CRTAC1: variants seen among roughly 807,000 people sequenced by gnomAD.
CRTAC1 encodes the protein cartilage acidic protein 1, also known as acidic secreted protein in cartilage.
Under a neutral mutation model 67.8 loss-of-function variants are expected in CRTAC1, and 37 were observed. The observed-to-expected ratio is 0.55, with a 90% CI of 0.42 to 0.72. The LOEUF (loss-of-function observed/expected upper bound fraction) is 0.72. Ranked by LOEUF, CRTAC1 falls within the 30% of genes least tolerant of loss-of-function variation. The pLI is 0.00. For synonymous variants in CRTAC1, 348 were observed against 371.0 expected (o/e 0.94, Z 0.71); for missense variants, 780 against 931.6 (o/e 0.84, Z 2.12).
chr10:97,947,920 TA>T (rs998987425), intron 2 of CRTAC1, among the ~76,000 whole-genome samples: 3 of 151,796 alleles, frequency 2.0e-5, no homozygotes, highest in African/African-American at 7.3e-5. Context: ...AATTAAGAAA[TA>T]GATGAAGATT....
At chr10:97,910,936 C>G (rs1468868484) in intron 5 of CRTAC1, among the ~76,000 whole-genome samples, 1 of 152,248 alleles carries the variant, frequency 6.6e-6, no homozygotes, top group African/African-American at 2.4e-5. Flanking sequence ...ATTCACATTG[C>G]TCCTCTGGAA....
chr10:97,887,688 T>A (rs1399419121), intron 11 of CRTAC1, among the ~76,000 whole-genome samples: 2 of 152,244 alleles, frequency 1.3e-5, no homozygotes, highest in Non-Finnish European at 2.9e-5. Context: ...AACTTGGGCA[T>A]CCTCTCTGGG....
chr10:97,986,133 C>T (rs529521951), intron 2 of CRTAC1, among the ~76,000 whole-genome samples: 1 of 152,288 alleles, frequency 6.6e-6, no homozygotes, highest in East Asian at 1.9e-4. Context: ...TCTCAGATGG[C>T]CCAGGACTGG....
At chr10:97,987,502 T>C (rs1273706360) in intron 2 of CRTAC1, among the ~76,000 whole-genome samples, 1 of 152,184 alleles carries the variant, frequency 6.6e-6, no homozygotes, top group Admixed American at 6.5e-5. Context: ...AAGTGGATGA[T>C]TTAACCAGGG....
At chr10:98,024,173 C>T (rs964830496) in intron 1 of CRTAC1, among the ~76,000 whole-genome samples, 14 of 152,196 alleles carry the variant, frequency 9.2e-5, no homozygotes, top group African/African-American at 3.4e-4. Context: ...CTCAGGTCAC[C>T]GGGACACTCC....
intron 1 of CRTAC1, among the ~76,000 whole-genome samples, chr10:98,028,542 G>C (rs1564942518): frequency 6.6e-6 from 1 of 152,242 alleles, no homozygotes; most frequent in East Asian, 1.9e-4. Flanking sequence ...ACAGGCCATT[G>C]GTCCACAGAT....
chr10:97,938,825 C>G (rs2051129013), intron 2 of CRTAC1, among the ~76,000 whole-genome samples: 1 of 152,154 alleles, frequency 6.6e-6, no homozygotes, highest in Non-Finnish European at 1.5e-5. Flanking sequence ...CTGTGAAATG[C>G]AAGAGTTGGA....
chr10:97,934,267 T>C (rs1320368405), intron 3 of CRTAC1, among the ~76,000 whole-genome samples: 1 of 152,234 alleles, frequency 6.6e-6, no homozygotes, highest in African/African-American at 2.4e-5. Context: ...CAATTAATTG[T>C]GTCCTAATCC....
intron 2 of CRTAC1, among the ~76,000 whole-genome samples, chr10:97,988,651 C>T (rs1303489277): frequency 5.9e-5 from 9 of 152,056 alleles, no homozygotes; most frequent in Admixed American, 3.3e-4. Flanking sequence ...ACCCGGGAGG[C>T]GGAGGTTGCG....
intron 2 of CRTAC1, among the ~76,000 whole-genome samples, chr10:97,989,275 C>T (rs76905196): frequency 1.3e-5 from 2 of 152,248 alleles, no homozygotes; most frequent in Non-Finnish European, 2.9e-5. Context: ...CTCTCTCCCC[C>T]CACCCAACGC....
At chr10:97,904,863 CACAA>C (rs748521147) in intron 6 of CRTAC1, 49 bp from the exon 7 acceptor site, 3 of 1,525,618 alleles carry the variant, frequency 2.0e-6, no homozygotes, top group Non-Finnish European at 2.6e-6. Flanking sequence ...CTGCACACTC[CACAA>C]ACACTCACCC....
At chr10:98,011,432 T>C (rs1842906782) in intron 1 of CRTAC1, 95 bp from the exon 2 acceptor site, 2 of 1,455,260 alleles carry the variant, frequency 1.4e-6, no homozygotes, top group Admixed American at 3.6e-5. Context: ...TGCCTTTCTC[T>C]CCCATTCATG....
intron 11 of CRTAC1, among the ~76,000 whole-genome samples, chr10:97,891,158 A>C (rs1249770474): frequency 6.6e-6 from 1 of 152,250 alleles, no homozygotes; most frequent in African/African-American, 2.4e-5. Context: ...AATGATATTG[A>C]GGGAAGGTGA....
chr10:97,922,073 T>C lies in CRTAC1; in HGVS notation c.558+1191A>G, dbSNP rs527608904. Among the ~76,000 whole-genome samples the C allele has an allele frequency of 5.3e-5, 8 of 152,252 alleles. No individual in the cohort carries two copies. The South Asian group carries it at 1.7e-3, about 32-fold the overall frequency. On this transcript the variant is annotated intron_variant, in intron 4 of 14. Transcript: ENST00000370597. ...AGCTGAGTGTCAAAAGCCTTGGTCC[T>C]GAACGGGTGAGATGGGAAACCGGGA...
chr10:98,014,833 T>G lies in CRTAC1; in HGVS notation c.25-3496A>C, dbSNP rs1842966761. On this transcript the variant is annotated intron_variant, in intron 1 of 14. Transcript: ENST00000370597. ...TGAGGATGTAGAGAAATTGGAATCC[T>G]TGTGCACTGCTGGCAGAAATGTAAA... Among the ~76,000 whole-genome samples, 5 of 152,240 alleles carry G rather than the reference T, an allele frequency of 3.3e-5. No homozygotes were observed. The South Asian group carries it at 1.0e-3, about 32-fold the overall frequency.
At chr10:97,974,287 A>G (rs374547340) in intron 2 of CRTAC1, among the ~76,000 whole-genome samples, 17 of 152,150 alleles carry the variant, frequency 1.1e-4, no homozygotes, top group African/African-American at 4.1e-4. Context: ...CGAAGCTGCC[A>G]TGAAACCAGC....
At chr10:97,917,365 C>G in intron 5 of CRTAC1, 135 bp downstream of exon 5, 3 of 577,304 alleles carry the variant, frequency 5.2e-6, no homozygotes, top group Non-Finnish European at 8.1e-6. Flanking sequence ...TGGAATGGAG[C>G]CTTCATCTCC....
rs778246419 is a variant in CRTAC1, at chr10:97,917,581, C to T, written c.634G>A (p.Asp212Asn). Reference protein sequence around the residue: ...NVGPDALIEMDPEASDLSRGI... With the variant: ...NVGPDALIEMNPEASDLSRGI... ...CGGGAGAGGTCACTGGCCTCAGGGT[C>T]CATTTCAATGAGGGCATCAGGGCCC... Residue 212 changes from aspartate to asparagine, a missense_variant, in exon 5 of 15, where the codon GAC (aspartate) becomes AAC (asparagine). Physicochemically the swap from Asp to Asn is conservative, Grantham distance 23. Transcript: ENST00000370597. 1 of 1,603,924 alleles carries T rather than the reference C, an allele frequency of 6.2e-7. No homozygotes were observed. Among genetic ancestry groups the T allele is most frequent in the Non-Finnish European group, 8.5e-7 (1 of 1,174,536 alleles).
chr10:97,958,327 CA>C (rs2051473091), intron 2 of CRTAC1, among the ~76,000 whole-genome samples: 1 of 152,156 alleles, frequency 6.6e-6, no homozygotes, highest in Non-Finnish European at 1.5e-5. Context: ...TCATCTCTCT[CA>C]AAGATACCTC....
Sources: allele counts gnomAD v4.1 joint callset (sites outside exome capture counted in the v4.1 genomes callset), GRCh38; gene constraint gnomAD v4.1.1; transcripts MANE v1.5; gene names NCBI Gene and HGNC (gene_info 2026-07-23, HGNC 2026-07-21).